FBXW11: variants seen among roughly 807,000 people sequenced by gnomAD.
The protein encoded by FBXW11 is F-box/WD repeat-containing protein 11.
A neutral mutation model predicts 77.6 loss-of-function variants in FBXW11; 19 were observed. That is an observed-to-expected ratio of 0.24 (90% CI 0.17 to 0.36). FBXW11 has a LOEUF of 0.36. Among genes scored for constraint, FBXW11 ranks in the 10% least tolerant of loss-of-function variants. The pLI is 1.00. For missense variants in FBXW11, 334 were observed against 704.2 expected (o/e 0.47, Z 5.95); for synonymous variants, 235 against 249.4 (o/e 0.94, Z 0.54).
At chr5:171,932,604 C>A (rs1169671954) in intron 2 of FBXW11, among the ~76,000 whole-genome samples, 1 of 151,934 alleles carries the variant, frequency 6.6e-6, no homozygotes, top group East Asian at 1.9e-4. Context: ...CTATATTCAC[C>A]CTACTCTGGT....
chr5:171,904,877 T>C lies in FBXW11; in HGVS notation c.437-4777A>G, dbSNP rs374298508. 4.6e-5 allele frequency among the ~76,000 whole-genome samples: 7 copies of C among 152,224 alleles called. No homozygotes were observed. The East Asian group carries it at 1.2e-3, about 25-fold the overall frequency. ...GAGCCACCGTGCCCAGCCAGGAATCTGTATTTTTAAGAAGTGCCACTAGAT... is the reference window on the plus strand; with the variant it reads ...GAGCCACCGTGCCCAGCCAGGAATCCGTATTTTTAAGAAGTGCCACTAGAT... On this transcript the variant is annotated intron_variant, in intron 4 of 13. Coordinates refer to ENST00000517395, the MANE Select transcript of FBXW11 (RefSeq NM_001378974.1). This position sits in a 1 kb window ranked among gnomAD's most constrained non-coding sequence, Gnocchi z 4.0.
chr5:171,991,315 A>G (rs1455468931), intron 1 of FBXW11, among the ~76,000 whole-genome samples: 1 of 152,190 alleles, frequency 6.6e-6, no homozygotes, highest in Admixed American at 6.5e-5. Flanking sequence ...AAAATAGCAT[A>G]CGACAAAAAT....
chr5:171,966,147 T>A (rs1039816095), intron 1 of FBXW11, among the ~76,000 whole-genome samples: 6 of 152,214 alleles, frequency 3.9e-5, no homozygotes, highest in Non-Finnish European at 2.9e-5. Context: ...CAGATAGTTC[T>A]TTACAGCAGT....
intron 1 of FBXW11, among the ~76,000 whole-genome samples, chr5:171,996,450 C>T (rs534495685): frequency 6.6e-6 from 1 of 152,240 alleles, no homozygotes; most frequent in African/African-American, 2.4e-5. Flanking sequence ...GCAAATCATT[C>T]GAGCCCAGGA....
intron 7 of FBXW11, among the ~76,000 whole-genome samples, chr5:171,889,548 A>T (rs925040318): frequency 2.2e-5 from 3 of 135,398 alleles, no homozygotes; most frequent in Non-Finnish European, 4.9e-5. Flanking sequence ...AAAAAAAAAA[A>T]TTAAAATCTT....
At chr5:171,913,078 C>A (rs537627561) in intron 3 of FBXW11, among the ~76,000 whole-genome samples, 1 of 152,066 alleles carries the variant, frequency 6.6e-6, no homozygotes, top group Non-Finnish European at 1.5e-5. Flanking sequence ...CTCAAAAGTG[C>A]CTTATCTTAA....
intron 2 of FBXW11, among the ~76,000 whole-genome samples, chr5:171,926,492 A>C (rs1007824312): frequency 6.6e-6 from 1 of 152,158 alleles, no homozygotes; most frequent in Admixed American, 6.5e-5. Flanking sequence ...CTCATGGTTT[A>C]ACACCAACCC....
intron 2 of FBXW11, among the ~76,000 whole-genome samples, chr5:171,955,341 CTCTGTTCTCTCCAGGTAGCCTAACTAT>C (rs1252469825): frequency 6.6e-6 from 1 of 152,200 alleles, no homozygotes; most frequent in Non-Finnish European, 1.5e-5. Context: ...AAGAACCAGG[CTCTGTTCTCTCCAGGTAGCCTAACTAT>C]TCCTTCCCTT....
chr5:171,915,990 C>T (rs886794761), intron 2 of FBXW11, among the ~76,000 whole-genome samples: 1 of 139,698 alleles, frequency 7.2e-6, no homozygotes, highest in African/African-American at 2.7e-5. Context: ...ATCGCAAGGA[C>T]AAAAAAACAA....
At chr5:171,956,560 C>A (rs1411028642) in intron 2 of FBXW11, among the ~76,000 whole-genome samples, 1 of 152,200 alleles carries the variant, frequency 6.6e-6, no homozygotes. Context: ...ATGCCTGACT[C>A]CAATATGAAG....
chr5:171,922,356 C>T (rs1000691137), intron 2 of FBXW11, among the ~76,000 whole-genome samples: 2 of 152,134 alleles, frequency 1.3e-5, no homozygotes, highest in Non-Finnish European at 2.9e-5. Context: ...TAAAGGCAAA[C>T]CAAACAGCTT....
chr5:171,897,185 G>A (rs1019195214), intron 6 of FBXW11, among the ~76,000 whole-genome samples: 2 of 152,164 alleles, frequency 1.3e-5, no homozygotes, highest in African/African-American at 4.8e-5. Flanking sequence ...TGTCCAAAAT[G>A]TTAAAAGAGA....
At chr5:171,894,395 T>C (rs140448376) in intron 6 of FBXW11, among the ~76,000 whole-genome samples, 1 of 152,246 alleles carries the variant, frequency 6.6e-6, no homozygotes. Flanking sequence ...AAATAGTTTG[T>C]CAACCAATTC....
Position 171,868,696 on chromosome 5 carries a change from G to A in FBXW11, c.1631C>T (p.Pro544Leu). 6.2e-7 allele frequency: 1 copy of A among 1,613,928 alleles called. No individual in the cohort carries two copies. Among genetic ancestry groups the A allele is most frequent in the Non-Finnish European group, 8.5e-7 (1 of 1,179,902 alleles). Reference sequence around the variant, plus strand: ...ACGGGTCTCATTCTGGGCACTGGGAGGCACATTTAAGAAATCCCAAATCAA... The same window carrying A: ...ACGGGTCTCATTCTGGGCACTGGGAAGCACATTTAAGAAATCCCAAATCAA... ...TILIWDFLNV[P>L]PSAQNETRSP... The change falls in exon 13 of 14, where the codon CCT becomes CTT. Residue 544 changes from proline (P) to leucine (L), a missense_variant. Coordinates refer to ENST00000517395, the MANE Select transcript of FBXW11 (RefSeq NM_001378974.1).
rs191766487 is a variant in FBXW11 at position 171,950,115 on chromosome 5, G to A, written c.147+7482C>T. On this transcript the variant is annotated intron_variant, in intron 2 of 13. Coordinates refer to ENST00000517395, the MANE Select transcript of FBXW11 (RefSeq NM_001378974.1). ...GGAATATTATACAATGATTTTAAAT[G>A]ATGATAGAAAATCTTAATTCATCAT... Among the ~76,000 whole-genome samples, 46 of 152,160 alleles carry A rather than the reference G, an allele frequency of 3.0e-4. No individual in the cohort carries two copies. In the Middle Eastern group the frequency reaches 0.014, roughly 45 times the overall value.
chr5:171,950,410 G>GA lies in FBXW11; in HGVS notation c.147+7186dup, dbSNP rs796632462. Among the ~76,000 whole-genome samples the GA allele has an allele frequency of 1.6e-3, 218 of 138,314 alleles. 1 individual carries two copies. Among genetic ancestry groups the GA allele is most frequent in the East Asian group, 7.3e-3 (35 of 4,778 alleles). 90.7% of individuals were successfully genotyped at this position (138,314 alleles called of 152,430 possible). A position where few individuals can be genotyped will look rare whatever the true frequency, so the allele number is the denominator to read the frequency against. On this transcript the variant is annotated intron_variant, in intron 2 of 13. Coordinates refer to ENST00000517395, the MANE Select transcript of FBXW11 (RefSeq NM_001378974.1). ...ACACTTTATACTTCAAAAATGGAAA[G>GA]AAAAAAAAAAACACCTGTACTCTCG...
chr5:171,911,292 G>A (rs971584235), intron 3 of FBXW11, among the ~76,000 whole-genome samples: 5 of 152,162 alleles, frequency 3.3e-5, no homozygotes, highest in Non-Finnish European at 5.9e-5. Context: ...AATAACAGGA[G>A]GGATTGTTAA....
At chr5:171,968,436 G>A (rs769784959) in intron 1 of FBXW11, among the ~76,000 whole-genome samples, 3 of 137,684 alleles carry the variant, frequency 2.2e-5, no homozygotes, top group Non-Finnish European at 3.1e-5. Context: ...CAGCCTGGGC[G>A]AAAGAGCCAG....
chr5:171,873,205 G>C (rs569464227), intron 9 of FBXW11, among the ~76,000 whole-genome samples: 156 of 152,248 alleles, frequency 1.0e-3, no homozygotes, highest in Admixed American at 2.9e-3. Context: ...AAACACGGAG[G>C]GAAGTGAAGT....
Sources: gnomAD v4.1 joint callset for allele counts (sites outside exome capture counted in the v4.1 genomes callset) on GRCh38, gnomAD v4.1.1 for gene constraint, Gnocchi (gnomAD v3.1) non-coding constraint, MANE v1.5 for transcripts, NCBI Gene and HGNC (gene_info 2026-07-23, HGNC 2026-07-21) for gene names.